Variants in SEMA5A observed in about 807,000 individuals in gnomAD.
SEMA5A encodes the protein semaphorin-5A.
Under a neutral mutation model 135.5 loss-of-function variants are expected in SEMA5A, and 55 were observed. The ratio of observed to expected loss-of-function variants is 0.41; its 90% CI spans 0.33 to 0.51. The LOEUF (loss-of-function observed/expected upper bound fraction) is 0.51, where lower values mean the gene tolerates loss of function less well. SEMA5A is among the 20% of genes least tolerant of loss of function. The probability of loss-of-function intolerance (pLI) is 0.37; values close to 1 mark genes in which losing one functional copy is unlikely to be tolerated. For synonymous variants in SEMA5A, 580 were observed against 546.5 expected (o/e 1.06, Z -0.85); for missense variants, 1,290 against 1,419.9 (o/e 0.91, Z 1.47).
chr5:9,128,707 G>C (rs1260580891), intron 13 of SEMA5A, among the ~76,000 whole-genome samples: 2 of 152,158 alleles, frequency 1.3e-5, no homozygotes, highest in African/African-American at 4.8e-5. Flanking sequence ...ATTAAACTAA[G>C]ATTCATATGA....
At chr5:9,202,730 G>T (rs938610665) in intron 8 of SEMA5A, among the ~76,000 whole-genome samples, 1 of 152,154 alleles carries the variant, frequency 6.6e-6, no homozygotes, top group African/African-American at 2.4e-5. Flanking sequence ...TAATGTATGT[G>T]CTTTTACTAA....
intron 20 of SEMA5A, 146 bp from the exon 21 acceptor site, chr5:9,050,603 C>T (rs376590941): frequency 4.1e-6 from 3 of 737,390 alleles, no homozygotes; most frequent in African/African-American, 3.7e-5. Context: ...AAAAATTCTA[C>T]TTGTTTCTTT....
rs545789732 is a variant in SEMA5A at position 9,529,524 on chromosome 5, TTAAAA to T, written c.-175+16055_-175+16059del. ...TGAAATTACTACTAATATATTTCAA[TTAAAA>T]TAAAATAAAACATGTAATCTTCATA... On this transcript the variant is annotated intron_variant, in intron 1 of 22. Transcript: ENST00000382496. 2.1e-3 allele frequency among the ~76,000 whole-genome samples: 321 copies of T among 152,326 alleles called. 3 individuals are homozygous for T. The highest frequency in any genetic ancestry group is 7.2e-3 in the African/African-American group (301 of 41,572).
intron 2 of SEMA5A, among the ~76,000 whole-genome samples, chr5:9,390,204 T>C (rs760380931): frequency 5.9e-5 from 9 of 152,190 alleles, no homozygotes; most frequent in Non-Finnish European, 1.0e-4. Context: ...CTAAATGTCA[T>C]AATTGTCCAA....
chr5:9,223,423 C>T (rs1184299278), intron 8 of SEMA5A, among the ~76,000 whole-genome samples: 3 of 152,130 alleles, frequency 2.0e-5, no homozygotes, highest in African/African-American at 7.2e-5. Flanking sequence ...TTCCCCCCTC[C>T]CAGGGGGTAC....
chr5:9,111,039 G>A (rs1740213215), intron 15 of SEMA5A, among the ~76,000 whole-genome samples: 1 of 152,208 alleles, frequency 6.6e-6, no homozygotes, highest in African/African-American at 2.4e-5. Context: ...ATTAATATGT[G>A]TGTTGGTTCA....
chr5:9,398,684 C>A (rs1247801798), intron 2 of SEMA5A, among the ~76,000 whole-genome samples: 1 of 152,168 alleles, frequency 6.6e-6, no homozygotes, highest in Non-Finnish European at 1.5e-5. Context: ...CAAATTTGCC[C>A]ACAAAAATAT....
chr5:9,044,438 G>T lies in SEMA5A; in HGVS notation c.3040C>A (p.Leu1014Ile). 1 of 1,613,962 alleles carries T rather than the reference G, an allele frequency of 6.2e-7. No individual in the cohort carries two copies. Among genetic ancestry groups the T allele is most frequent in the Non-Finnish European group, 8.5e-7 (1 of 1,179,980 alleles). ...ATGTGGTTGGTTATGCTGGTATTAAGGGGGGCAGGTGAGACGGGGTGGATG... is the reference window on the plus strand; with the variant it reads ...ATGTGGTTGGTTATGCTGGTATTAATGGGGGCAGGTGAGACGGGGTGGATG... ...TVIHPVSPAP[L>I]NTSITNHINK... The change falls in exon 22 of 23, where the codon CTT becomes ATT. Residue 1014 changes from leucine (L) to isoleucine (I), a missense_variant. Transcript: ENST00000382496.
chr5:9,182,149 G>GCCCCCC (rs766612426), intron 11 of SEMA5A, among the ~76,000 whole-genome samples: 3 of 123,078 alleles, frequency 2.4e-5, no homozygotes, highest in African/African-American at 1.1e-4. Flanking sequence ...TATTGCTTCT[G>GCCCCCC]CCCCCCACCC....
intron 1 of SEMA5A, among the ~76,000 whole-genome samples, chr5:9,454,902 T>C (rs897329388): frequency 3.3e-5 from 5 of 152,230 alleles, no homozygotes; most frequent in African/African-American, 9.6e-5. Context: ...ATAAAAGAAC[T>C]AGATGACATG....
chr5:9,322,518 G>A (rs1243333985), intron 4 of SEMA5A, among the ~76,000 whole-genome samples: 1 of 152,078 alleles, frequency 6.6e-6, no homozygotes. Flanking sequence ...TTTTCTTTTT[G>A]TAGTATTTTC....
chr5:9,252,596 C>T (rs1748856225), intron 5 of SEMA5A, among the ~76,000 whole-genome samples: 1 of 152,160 alleles, frequency 6.6e-6, no homozygotes, highest in African/African-American at 2.4e-5. Flanking sequence ...ACAGCAAAAA[C>T]TATCCCATGG....
intron 1 of SEMA5A, among the ~76,000 whole-genome samples, chr5:9,489,711 C>T (rs1382241419): frequency 3.3e-5 from 5 of 152,050 alleles, no homozygotes; most frequent in Admixed American, 2.6e-4. Context: ...ACGAGTGGCT[C>T]TAAATGGGAA....
intron 16 of SEMA5A, among the ~76,000 whole-genome samples, chr5:9,071,608 T>C (rs957697600): frequency 4.1e-4 from 62 of 152,268 alleles, no homozygotes; most frequent in African/African-American, 1.4e-3. Context: ...GTTTTGCTGT[T>C]TATTTTTCCC....
At position 9,190,403 on chromosome 5, in the gene SEMA5A, G is replaced by T; in HGVS notation, c.1137C>A (p.Phe379Leu). 1.2e-6 allele frequency: 2 copies of T among 1,613,976 alleles called. No homozygotes were observed. The highest frequency in any genetic ancestry group is 1.7e-6 in the Non-Finnish European group (2 of 1,180,016). ...TERNLQDAQK[F>L]ILMHEVVQPV... Reference sequence around the variant, plus strand: ...GCTGTACCACCTCATGCATCAGAATGAACTTCTGAGCATCCTGCAGATTTC... The same window carrying T: ...GCTGTACCACCTCATGCATCAGAATTAACTTCTGAGCATCCTGCAGATTTC... Residue 379 changes from phenylalanine (F) to leucine (L), a missense_variant, in exon 11 of 23, where the codon TTC (phenylalanine) becomes TTA (leucine). Around this residue, in one of 3 missense-constraint regions of SEMA5A, gnomAD observed 1,029 missense variants for 1,086.6 expected, o/e 0.95. Coordinates refer to ENST00000382496, the MANE Select transcript of SEMA5A (RefSeq NM_003966.3).
At chr5:9,207,803 T>C (rs1476490831) in intron 8 of SEMA5A, among the ~76,000 whole-genome samples, 1 of 152,180 alleles carries the variant, frequency 6.6e-6, no homozygotes, top group Non-Finnish European at 1.5e-5. Flanking sequence ...TAAAAGCTAC[T>C]GGTAGGCTAA....
chr5:9,148,034 G>A (rs913844724), intron 12 of SEMA5A, among the ~76,000 whole-genome samples: 1 of 152,148 alleles, frequency 6.6e-6, no homozygotes, highest in African/African-American at 2.4e-5. Flanking sequence ...GCCTGTGCTG[G>A]CATGCAGGAA....
chr5:9,071,401 A>T (rs1737762158), intron 16 of SEMA5A, among the ~76,000 whole-genome samples: 1 of 152,188 alleles, frequency 6.6e-6, no homozygotes, highest in Non-Finnish European at 1.5e-5. Flanking sequence ...CCTATTTATA[A>T]TTCTGCATCC....
chr5:9,117,647 G>A (rs962086616), intron 15 of SEMA5A, among the ~76,000 whole-genome samples: 3 of 152,086 alleles, frequency 2.0e-5, no homozygotes, highest in Non-Finnish European at 2.9e-5. Flanking sequence ...TTCCACTTGT[G>A]GCATCATGTC....
Sources: gnomAD v4.1 joint callset for allele counts (sites outside exome capture counted in the v4.1 genomes callset) on GRCh38, gnomAD v4.1.1 for gene constraint, gnomAD v4.1.1 regional missense constraint, MANE v1.5 for transcripts, NCBI Gene and HGNC (gene_info 2026-07-23, HGNC 2026-07-21) for gene names.